ACSL3: variants seen among roughly 807,000 people sequenced by gnomAD.
ACSL3 encodes the protein acyl-CoA synthetase long chain family member 3.
In ACSL3, 34 loss-of-function variants were observed where a neutral mutation model predicts 84.7. That is an observed-to-expected ratio of 0.40 (90% CI 0.31 to 0.53). The LOEUF is 0.53. ACSL3 is among the 20% of genes least tolerant of loss of function. The probability of loss-of-function intolerance (pLI) is 0.48; values close to 1 mark genes in which losing one functional copy is unlikely to be tolerated. For synonymous variants in ACSL3, 315 were observed against 299.4 expected (o/e 1.05, Z -0.54); for missense variants, 680 against 873.1 (o/e 0.78, Z 2.79).
chr2:222,904,259 G>A (rs368570929), intron 3 of ACSL3, among the ~76,000 whole-genome samples: 8 of 148,388 alleles, frequency 5.4e-5, no homozygotes, highest in African/African-American at 1.8e-4. Flanking sequence ...CAACAAGAGC[G>A]AAACTCCATC....
rs1696586471 is a variant in ACSL3 at position 222,916,431 on chromosome 2, T to C, written c.491T>C (p.Ile164Thr). The C allele has an allele frequency of 6.2e-7, 1 of 1,614,004 alleles. No homozygotes were observed. The highest frequency in any genetic ancestry group is 1.1e-5 in the South Asian group (1 of 91,084). Reference sequence around the variant, plus strand: ...CAGAAACCAAAGACCAACATCGCCATCTTCTGTGAGACCAGGGCCGAGTGG... The same window carrying C: ...CAGAAACCAAAGACCAACATCGCCACCTTCTGTGAGACCAGGGCCGAGTGG... ...LGQKPKTNIA[I>T]FCETRAEWMI... The change falls in exon 5 of 17, where the codon ATC becomes ACC. Residue 164 changes from isoleucine (I) to threonine (T), a missense_variant. Physicochemically the swap from Ile to Thr is moderately conservative, Grantham distance 89. Coordinates refer to ENST00000357430, the MANE Select transcript of ACSL3 (RefSeq NM_004457.5).
At chr2:222,915,806 A>G (rs181939631) in intron 4 of ACSL3, among the ~76,000 whole-genome samples, 192 of 152,330 alleles carry the variant, frequency 1.3e-3, no homozygotes, top group African/African-American at 4.4e-3. Context: ...ATGGCAATTC[A>G]AGTTCAGCAA....
At chr2:222,893,136 A>AATTGAGTG (rs1286001049) in intron 2 of ACSL3, among the ~76,000 whole-genome samples, 1 of 152,184 alleles carries the variant, frequency 6.6e-6, no homozygotes, top group Non-Finnish European at 1.5e-5. Flanking sequence ...GGCAGGATTA[A>AATTGAGTG]CTGAGAAGTA....
chr2:222,886,920 C>T (rs77292448), intron 1 of ACSL3, among the ~76,000 whole-genome samples: 1,964 of 152,292 alleles, frequency 0.013, 22 homozygotes, highest in Non-Finnish European at 0.021. Context: ...CCTACATTGA[C>T]ACATCGTTAT....
At position 222,920,803 on chromosome 2, in the gene ACSL3, C is replaced by T. The variant is rs538982824; in HGVS notation, c.806-477C>T. Among the ~76,000 whole-genome samples the T allele has an allele frequency of 4.5e-4, 69 of 152,328 alleles. 2 individuals carry two copies. The South Asian group carries it at 0.013, about 28-fold the overall frequency. ...CACTTGACTATTGTTTCTTGCCACT[C>T]TTCCTCTTGCTCACTCTGTTCCAGC... On this transcript the variant is annotated intron_variant, in intron 7 of 16. Transcript: ENST00000357430.
chr2:222,922,631 A>G (rs1696771138), intron 8 of ACSL3, 77 bp from the exon 9 acceptor site: 3 of 1,584,682 alleles, frequency 1.9e-6, no homozygotes, highest in Non-Finnish European at 1.7e-6. Flanking sequence ...TGTGCCTTCA[A>G]GCTTGCTCCC....
At chr2:222,864,828 G>T (rs569114325) in intron 1 of ACSL3, among the ~76,000 whole-genome samples, 1 of 152,254 alleles carries the variant, frequency 6.6e-6, no homozygotes, top group African/African-American at 2.4e-5. Context: ...GTCTTTGCTG[G>T]GAGGAGGGGA....
At position 222,867,769 on chromosome 2, in the gene ACSL3, A is replaced by AC. The variant is rs1440244507; in HGVS notation, c.-207+6512dup. On this transcript the variant is annotated intron_variant, in intron 1 of 16. Transcript: ENST00000357430. The stretch of plus-strand genomic sequence containing the variant: ...TTATTACCGTTAAGTATTATTGAAC[A>AC]CAAGTCTTTGTTTTAATTTTTGACA... Among the ~76,000 whole-genome samples, 3 of 152,258 alleles carry AC rather than the reference A, an allele frequency of 2.0e-5. No homozygotes were observed. In the East Asian group the frequency reaches 5.8e-4, roughly 29 times the overall value.
chr2:222,907,093 A>G (rs1012121882), intron 3 of ACSL3, among the ~76,000 whole-genome samples: 14 of 152,056 alleles, frequency 9.2e-5, no homozygotes, highest in Non-Finnish European at 5.9e-5. Context: ...TGATTTTCTT[A>G]TAGTTATATC....
intron 4 of ACSL3, among the ~76,000 whole-genome samples, chr2:222,913,130 TAAG>T (rs1199075375): frequency 1.3e-5 from 2 of 152,150 alleles, no homozygotes; most frequent in Admixed American, 6.5e-5. Context: ...TTTATAAAAA[TAAG>T]AAGAGAATGA....
In ACSL3 at chr2:222,873,767, C is replaced by T. The variant is rs138280538; in HGVS notation, c.-207+12509C>T. Among the ~76,000 whole-genome samples, 585 of 152,244 alleles carry T rather than the reference C, an allele frequency of 3.8e-3. 6 individuals carry two copies. The highest frequency in any genetic ancestry group is 0.011 in the African/African-American group (455 of 41,542). ...TAATCTACTATATGTACATAATGTA[C>T]TTTACCATTTCCCAATTATTAGATT... On this transcript the variant is annotated intron_variant, in intron 1 of 16. Transcript: ENST00000357430.
At chr2:222,922,648 G>A in intron 8 of ACSL3, 60 bp from the exon 9 acceptor site, 1 of 1,603,516 alleles carries the variant, frequency 6.2e-7, no homozygotes, top group Non-Finnish European at 8.5e-7. Flanking sequence ...TCCCATTATA[G>A]GGCACTTTTG....
intron 6 of ACSL3, among the ~76,000 whole-genome samples, chr2:222,918,447 A>G (rs1242947971): frequency 1.3e-5 from 2 of 151,868 alleles, no homozygotes; most frequent in African/African-American, 4.8e-5. Flanking sequence ...CTTTTAGTAA[A>G]TTTGTAATTT....
chr2:222,903,834 T>G (rs1696219541), intron 3 of ACSL3, among the ~76,000 whole-genome samples: 4 of 152,208 alleles, frequency 2.6e-5, no homozygotes, highest in African/African-American at 9.7e-5. Flanking sequence ...CTGGACTATT[T>G]AAGGTATTCA....
At chr2:222,864,745 C>G (rs1344667644) in intron 1 of ACSL3, among the ~76,000 whole-genome samples, 1 of 152,036 alleles carries the variant, frequency 6.6e-6, no homozygotes, top group Non-Finnish European at 1.5e-5. Flanking sequence ...TGAATATAGA[C>G]TAGAAAAGGG....
intron 6 of ACSL3, 114 bp from the exon 7 acceptor site, chr2:222,918,950 T>G: frequency 7.7e-7 from 1 of 1,295,250 alleles, no homozygotes; most frequent in Non-Finnish European, 1.1e-6. Context: ...CTTTCTTCTT[T>G]CTTTTTTGAG....
Position 222,875,966 on chromosome 2 carries a change from T to TA in ACSL3, c.-206-11863dup, listed in dbSNP as rs144890419. On this transcript the variant is annotated intron_variant, in intron 1 of 16. Transcript: ENST00000357430. Reference sequence around the variant, plus strand: ...GATTCATATTTCAAAGATGCATCATTAGAGTGTTTACCTCGTTGAAGTAGA... The same window carrying TA: ...GATTCATATTTCAAAGATGCATCATTAAGAGTGTTTACCTCGTTGAAGTAGA... Among the ~76,000 whole-genome samples the TA allele has an allele frequency of 1.7e-3, 261 of 152,356 alleles. 10 individuals carry two copies. In the East Asian group the frequency reaches 0.049, roughly 28 times the overall value.
At chr2:222,878,704 C>T (rs1695518671) in intron 1 of ACSL3, among the ~76,000 whole-genome samples, 1 of 152,184 alleles carries the variant, frequency 6.6e-6, no homozygotes, top group African/African-American at 2.4e-5. Context: ...TGGTCTTTCC[C>T]ACAAACTTAA....
At chr2:222,919,683 GT>G (rs1696680490) in intron 7 of ACSL3, among the ~76,000 whole-genome samples, 2 of 152,264 alleles carry the variant, frequency 1.3e-5, no homozygotes, top group African/African-American at 4.8e-5. Flanking sequence ...TCAAAAAAGC[GT>G]CAGAAAATGT....
Sources: allele counts gnomAD v4.1 joint callset (sites outside exome capture counted in the v4.1 genomes callset), GRCh38; gene constraint gnomAD v4.1.1; transcripts MANE v1.5; gene names NCBI Gene and HGNC (gene_info 2026-07-23, HGNC 2026-07-21).